RHBDD1: variants seen among roughly 807,000 people sequenced by gnomAD.
The protein encoded by RHBDD1 is rhomboid domain containing 1.
A neutral mutation model predicts 36.3 loss-of-function variants in RHBDD1; 38 were observed. That is an observed-to-expected ratio of 1.05 (90% CI 0.81 to 1.37). The LOEUF is 1.37. RHBDD1 is among the 40% of genes most tolerant of loss of function. The pLI is 0.00. For missense variants in RHBDD1, 393 were observed against 377.6 expected, an observed-to-expected ratio of 1.04 and a Z score of -0.34; for synonymous variants, 151 against 136.5, an observed-to-expected ratio of 1.11 and a Z score of -0.74.
intron 2 of RHBDD1, among the ~76,000 whole-genome samples, chr2:226,839,182 G>C (rs1282637843): frequency 6.6e-6 from 1 of 152,092 alleles, no homozygotes; most frequent in Non-Finnish European, 1.5e-5. Context: ...GAAAATACTT[G>C]ACTCACACTA....
chr2:226,939,834 G>T (rs1234429135), intron 8 of RHBDD1, among the ~76,000 whole-genome samples: 1 of 152,116 alleles, frequency 6.6e-6, no homozygotes, highest in African/African-American at 2.4e-5. Context: ...AAAGAACAAG[G>T]CTGGTGGCAT....
At chr2:226,969,672 C>T (rs184647940) in intron 8 of RHBDD1, among the ~76,000 whole-genome samples, 1 of 152,266 alleles carries the variant, frequency 6.6e-6, no homozygotes, top group East Asian at 1.9e-4. Flanking sequence ...AAATCTCCCC[C>T]AATTGTTAAA....
upstream of RHBDD1, among the ~76,000 whole-genome samples, chr2:226,831,054 T>C (rs551258327): frequency 2.0e-5 from 3 of 152,354 alleles, no homozygotes; most frequent in South Asian, 2.1e-4. Flanking sequence ...TAATACTTCA[T>C]TGGGAATTTT....
At chr2:226,862,494 T>C (rs945407162) in intron 3 of RHBDD1, among the ~76,000 whole-genome samples, 3 of 152,072 alleles carry the variant, frequency 2.0e-5, no homozygotes, top group African/African-American at 7.2e-5. Flanking sequence ...AACCATTAGA[T>C]GAGAACTTTT....
the RHBDD1 span, among the ~76,000 whole-genome samples, chr2:226,822,145 T>C: frequency 1.3e-5 from 2 of 152,366 alleles, no homozygotes; most frequent in African/African-American, 4.8e-5. Context: ...CAAATAGCTT[T>C]ATAGCTTTAT....
chr2:226,820,202 A>C, the RHBDD1 span, among the ~76,000 whole-genome samples: 2 of 152,222 alleles, frequency 1.3e-5, no homozygotes, highest in South Asian at 4.1e-4. Context: ...TAAAGTACAC[A>C]GCACACACTC....
At chr2:226,925,528 T>C (rs932558044) in intron 8 of RHBDD1, among the ~76,000 whole-genome samples, 1 of 152,058 alleles carries the variant, frequency 6.6e-6, no homozygotes, top group Non-Finnish European at 1.5e-5. Context: ...ATAAGCCAAC[T>C]CAAACCAAAT....
intron 5 of RHBDD1, among the ~76,000 whole-genome samples, chr2:226,902,047 T>G (rs1947640368): frequency 6.6e-6 from 1 of 152,154 alleles, no homozygotes; most frequent in African/African-American, 2.4e-5. Flanking sequence ...CTGAATAGGA[T>G]AGAGGGTGGT....
At chr2:226,898,500 A>G (rs568476856) in intron 5 of RHBDD1, among the ~76,000 whole-genome samples, 2 of 152,126 alleles carry the variant, frequency 1.3e-5, no homozygotes, top group Non-Finnish European at 2.9e-5. Context: ...GGGGCACATA[A>G]TATTGGAAGA....
chr2:226,988,706 C>A (rs1575538009), intron 8 of RHBDD1: 2 of 957,792 alleles, frequency 2.1e-6, no homozygotes, highest in Non-Finnish European at 1.2e-6. Flanking sequence ...ATTTTACAGA[C>A]CTCATATACA....
At chr2:226,897,045 C>T (rs1276015655) in intron 5 of RHBDD1, among the ~76,000 whole-genome samples, 4 of 152,142 alleles carry the variant, frequency 2.6e-5, no homozygotes, top group African/African-American at 9.7e-5. Flanking sequence ...TCAGGTAATC[C>T]ACCTGCCTCG....
chr2:226,948,587 GA>G (rs1951188463), intron 8 of RHBDD1, among the ~76,000 whole-genome samples: 1 of 82,522 alleles, frequency 1.2e-5, no homozygotes, highest in African/African-American at 4.8e-5. Flanking sequence ...AAAAAAAAAC[GA>G]AAAAAATAAA....
chr2:226,815,061 C>T, the RHBDD1 span, among the ~76,000 whole-genome samples: 1 of 152,214 alleles, frequency 6.6e-6, no homozygotes, highest in African/African-American at 2.4e-5. Flanking sequence ...TCTGGCCACT[C>T]AGCAAGAATT....
chr2:226,823,943 C>A, the RHBDD1 span, among the ~76,000 whole-genome samples: 1 of 152,126 alleles, frequency 6.6e-6, no homozygotes, highest in Non-Finnish European at 1.5e-5. Context: ...GCAGACAGCC[C>A]CTCATGATTG....
intron 8 of RHBDD1, among the ~76,000 whole-genome samples, chr2:226,920,852 T>A (rs1352266375): frequency 6.6e-6 from 1 of 152,206 alleles, no homozygotes; most frequent in Non-Finnish European, 1.5e-5. Flanking sequence ...GGTTTTGGTA[T>A]CAGGATAATA....
chr2:226,901,748 A>G (rs1349233472), intron 5 of RHBDD1, among the ~76,000 whole-genome samples: 2 of 152,338 alleles, frequency 1.3e-5, no homozygotes, highest in South Asian at 2.1e-4. Context: ...CTAATAGGGG[A>G]CTAATATCCA....
intron 3 of RHBDD1, among the ~76,000 whole-genome samples, chr2:226,849,308 T>C (rs1942546899): frequency 6.6e-6 from 1 of 152,192 alleles, no homozygotes; most frequent in African/African-American, 2.4e-5. Context: ...GAAGAGATGA[T>C]GAAGATTCCC....
At chr2:226,989,230 G>A (rs1042822190) in intron 8 of RHBDD1, among the ~76,000 whole-genome samples, 7 of 152,328 alleles carry the variant, frequency 4.6e-5, no homozygotes, top group African/African-American at 1.7e-4. Flanking sequence ...AAGTAGGATA[G>A]AAACCACTTA....
intron 5 of RHBDD1, among the ~76,000 whole-genome samples, chr2:226,903,591 C>T (rs905262629): frequency 1.3e-5 from 2 of 151,994 alleles, no homozygotes; most frequent in African/African-American, 4.8e-5. Flanking sequence ...CTATTCTTGC[C>T]AGAAAATGGG....
Sources: allele counts gnomAD v4.1 joint callset (sites outside exome capture counted in the v4.1 genomes callset), GRCh38; gene constraint gnomAD v4.1.1; transcripts MANE v1.5; gene names NCBI Gene and HGNC (gene_info 2026-07-23, HGNC 2026-07-21).